RFX7: variants seen among roughly 807,000 people sequenced by gnomAD.
The protein encoded by RFX7 is DNA-binding protein RFX7.
Under a neutral mutation model 111.8 loss-of-function variants are expected in RFX7, and 26 were observed. That is an observed-to-expected ratio of 0.23 (90% CI 0.17 to 0.32). The LOEUF (loss-of-function observed/expected upper bound fraction) is 0.32. Among genes scored for constraint, RFX7 ranks in the 10% least tolerant of loss-of-function variants. RFX7 has a pLI of 1.00. For missense variants in RFX7, 1,573 were observed against 1,772.9 expected (o/e 0.89, Z 2.02); for synonymous variants, 624 against 624.4 (o/e 1.00, Z 0.01).
At position 56,232,311 on chromosome 15, in the gene RFX7, C is replaced by T. The variant is rs531305810; in HGVS notation, c.161+10814G>A. Among the ~76,000 whole-genome samples, 11 of 152,328 alleles carry T rather than the reference C, an allele frequency of 7.2e-5. No homozygotes were observed. The East Asian group carries it at 2.1e-3, about 29-fold the overall frequency. Reference sequence around the variant, plus strand: ...ACATCCAGCTGTTTCCATACATCCTCTGAAATCTACGTAAAGATTTCCCCT... The same window carrying T: ...ACATCCAGCTGTTTCCATACATCCTTTGAAATCTACGTAAAGATTTCCCCT... On this transcript the variant is annotated intron_variant, in intron 2 of 9. Coordinates refer to ENST00000559447, the MANE Select transcript of RFX7 (RefSeq NM_022841.7).
In RFX7 at chr15:56,088,394, C is replaced by T. The variant is rs994758737; in HGVS notation, c.*4951G>A. ...ACATGAGAATATATGCAAACTAACA[C>T]TGGGTCTAATGCAAAGAAATACTCT... On this transcript the variant is annotated 3_prime_UTR_variant, in exon 10 of 10. Coordinates refer to ENST00000559447, the MANE Select transcript of RFX7 (RefSeq NM_022841.7). The T allele has an allele frequency of 2.0e-5, 3 of 152,454 alleles. No homozygotes were observed. The highest frequency in any genetic ancestry group is 2.0e-4 in the Admixed American group (3 of 15,302). The allele number at this position is 152,454 out of a possible 1,614,324, so 9.4% of individuals were successfully genotyped here. A position where few individuals can be genotyped will look rare whatever the true frequency, so the allele number is the denominator to read the frequency against.
At chr15:56,226,535 AG>A (rs2141223390) in intron 2 of RFX7, among the ~76,000 whole-genome samples, 1 of 152,288 alleles carries the variant, frequency 6.6e-6, no homozygotes, top group South Asian at 2.1e-4. Context: ...CATCATTTTC[AG>A]GAAGCCAAAG....
chr15:56,140,423 T>C (rs1329019691), intron 5 of RFX7, among the ~76,000 whole-genome samples: 1 of 152,226 alleles, frequency 6.6e-6, no homozygotes, highest in Non-Finnish European at 1.5e-5. Flanking sequence ...GAAAGGGAAC[T>C]CCCTGACCCC....
At chr15:56,203,579 G>C (rs770778910) in intron 2 of RFX7, among the ~76,000 whole-genome samples, 9 of 152,140 alleles carry the variant, frequency 5.9e-5, no homozygotes, top group Non-Finnish European at 1.2e-4. Flanking sequence ...CACAGTATGA[G>C]ATGGGAGGTC....
intron 2 of RFX7, among the ~76,000 whole-genome samples, chr15:56,236,197 G>A (rs1204985318): frequency 6.6e-6 from 1 of 152,028 alleles, no homozygotes; most frequent in Non-Finnish European, 1.5e-5. Context: ...TAAATAGGAG[G>A]CATACAGTTA....
intron 3 of RFX7, among the ~76,000 whole-genome samples, chr15:56,165,125 A>G (rs1405282875): frequency 2.0e-5 from 3 of 152,044 alleles, no homozygotes; most frequent in African/African-American, 7.2e-5. Flanking sequence ...TTGTGCTCCT[A>G]TAAGAATCTA....
chr15:56,145,809 T>C lies in RFX7; in HGVS notation c.196-1326A>G, dbSNP rs778664488. On this transcript the variant is annotated intron_variant, in intron 3 of 9. Transcript: ENST00000559447. ...ACTGCCACCACAGTAGTCTAGGTCT[T>C]CAGCTGTCTTTCTTTCAAGAATAAG... 6.7e-4 allele frequency among the ~76,000 whole-genome samples: 102 copies of C among 152,342 alleles called. 1 individual carries two copies. Among genetic ancestry groups the C allele is most frequent in the Non-Finnish European group, 1.3e-4 (9 of 68,030 alleles).
intron 3 of RFX7, among the ~76,000 whole-genome samples, chr15:56,153,121 T>C (rs1449501500): frequency 6.6e-6 from 1 of 152,226 alleles, no homozygotes; most frequent in Non-Finnish European, 1.5e-5. Context: ...AGCCGAATTC[T>C]ACCAGAGGTA....
At chr15:56,113,241 T>C (rs1462215860) in intron 5 of RFX7, among the ~76,000 whole-genome samples, 3 of 152,050 alleles carry the variant, frequency 2.0e-5, no homozygotes, top group East Asian at 3.9e-4. Flanking sequence ...AGCAAAAACA[T>C]AGAACCAACC....
intron 5 of RFX7, among the ~76,000 whole-genome samples, chr15:56,109,497 C>G (rs1424678225): frequency 1.3e-5 from 2 of 152,200 alleles, no homozygotes; most frequent in African/African-American, 4.8e-5. Flanking sequence ...GCGTCTCTGC[C>G]TGGCCGCCCA....
intron 7 of RFX7, 122 bp from the exon 8 acceptor site, chr15:56,101,688 G>T: frequency 1.1e-6 from 1 of 901,552 alleles, no homozygotes; most frequent in Non-Finnish European, 1.7e-6. Flanking sequence ...AAAGTAGTAT[G>T]AATTGACCCA....
intron 5 of RFX7, among the ~76,000 whole-genome samples, chr15:56,123,927 G>A (rs2042109127): frequency 6.6e-6 from 1 of 152,184 alleles, no homozygotes; most frequent in African/African-American, 2.4e-5. Context: ...ATGGGGGAGA[G>A]GTGGTGTCAG....
At position 56,090,408 on chromosome 15, in the gene RFX7, C is replaced by G. The variant is rs1361854966; in HGVS notation, c.*2937G>C. On this transcript the variant is annotated 3_prime_UTR_variant, in exon 10 of 10. Coordinates refer to ENST00000559447, the MANE Select transcript of RFX7 (RefSeq NM_022841.7). ...CACACAGCAGATCAGCAGCACTGTT[C>G]TGCCTTCTGCTCATTTTTATTCACT... is the stretch of plus-strand genomic sequence containing the variant. 1.3e-5 allele frequency: 2 copies of G among 152,288 alleles called. No homozygotes were observed. The highest frequency in any genetic ancestry group is 2.9e-5 in the Non-Finnish European group (2 of 68,006). The allele number at this position is 152,288 out of a possible 1,614,324, so 9.4% of individuals were successfully genotyped here.
At chr15:56,122,870 T>A (rs2140970968) in intron 5 of RFX7, among the ~76,000 whole-genome samples, 1 of 152,174 alleles carries the variant, frequency 6.6e-6, no homozygotes, top group East Asian at 1.9e-4. Flanking sequence ...GCCCAAGGGC[T>A]CTCCAGTCAG....
chr15:56,152,602 A>C (rs1423334301), intron 3 of RFX7, among the ~76,000 whole-genome samples: 1 of 152,210 alleles, frequency 6.6e-6, no homozygotes, highest in Non-Finnish European at 1.5e-5. Flanking sequence ...AGAAAGCAGG[A>C]AAGACCTAAA....
chr15:56,179,760 CAACACA>C (rs2042945897), intron 2 of RFX7, among the ~76,000 whole-genome samples: 1 of 99,938 alleles, frequency 1.0e-5, no homozygotes, highest in African/African-American at 3.9e-5. Flanking sequence ...CTCTCTGTCT[CAACACA>C]CACACACACA....
At chr15:56,132,596 A>G (rs1483571479) in intron 5 of RFX7, among the ~76,000 whole-genome samples, 3 of 152,078 alleles carry the variant, frequency 2.0e-5, no homozygotes, top group Admixed American at 1.3e-4. Context: ...TACCTAGGAA[A>G]AATATATGTG....
chr15:56,088,041 C>A lies in RFX7; in HGVS notation c.*5304G>T. 2 of 268,964 alleles carry A rather than the reference C, an allele frequency of 7.4e-6. No homozygotes were observed. The highest frequency in any genetic ancestry group is 1.5e-5 in the Non-Finnish European group (2 of 133,828). The allele number at this position is 268,964 out of a possible 1,614,324, so 16.7% of individuals were successfully genotyped here. ...ATTCAAGTAATTTGGAGGAAAATTA[C>A]AAACTACAGGTAAATCTAAAAGCAA... On this transcript the variant is annotated 3_prime_UTR_variant, in exon 10 of 10. Transcript: ENST00000559447.
rs1359496162 is a variant in RFX7, at chr15:56,091,459, ATT to A, written c.*1884_*1885del. The A allele has an allele frequency of 2.0e-5, 3 of 152,532 alleles. No homozygotes were observed. The highest frequency in any genetic ancestry group is 2.9e-5 in the Non-Finnish European group (2 of 67,968). The allele number at this position is 152,532 out of a possible 1,614,324, so 9.4% of individuals were successfully genotyped here. On this transcript the variant is annotated 3_prime_UTR_variant, in exon 10 of 10. Transcript: ENST00000559447. ...GGGTTAAAAATCCTCCAGTCTTAATATTTTTATCAAAAAAGATTTCCATTATT... is the reference window on the plus strand; with the variant it reads ...GGGTTAAAAATCCTCCAGTCTTAATATTTATCAAAAAAGATTTCCATTATT...
Sources: gnomAD v4.1 joint callset for allele counts (sites outside exome capture counted in the v4.1 genomes callset) on GRCh38, gnomAD v4.1.1 for gene constraint, MANE v1.5 for transcripts, NCBI Gene and HGNC (gene_info 2026-07-23, HGNC 2026-07-21) for gene names.